NAT10: variants seen among roughly 807,000 people sequenced by gnomAD.
NAT10 encodes N-acetyltransferase 10.
Under a neutral mutation model 132.2 loss-of-function variants are expected in NAT10, and 109 were observed. The observed-to-expected ratio is 0.82, with a 90% CI of 0.71 to 0.97. The LOEUF is 0.97. Ranked by LOEUF, NAT10 falls within the 50% of genes least tolerant of loss-of-function variation. The pLI is 0.00. For synonymous variants in NAT10, 479 were observed against 478.0 expected (o/e 1.00, Z -0.03); for missense variants, 1,184 against 1,263.4 (o/e 0.94, Z 0.95).
At chr11:34,123,722 C>T in intron 9 of NAT10, 40 bp from the exon 10 acceptor site, 2 of 1,396,218 alleles carry the variant, frequency 1.4e-6, no homozygotes, top group Non-Finnish European at 2.0e-6. Flanking sequence ...TTAAGATGTT[C>T]CTAATTTCTT....
rs200880136 is a variant in NAT10 at position 34,142,340 on chromosome 11, C to A, written c.2877C>A (p.Asp959Glu). Residue 959 changes from aspartate to glutamate, a missense_variant, in exon 27 of 29, where the codon GAC becomes GAA. Asp to Glu is a conservative substitution (Grantham distance 45, BLOSUM62 2). Transcript: ENST00000257829. Reference protein sequence around the residue: ...KKEVGKLKSMDLSEYIIRGDD... With the variant: ...KKEVGKLKSMELSEYIIRGDD... Reference sequence around the variant, plus strand: ...AAGTAGGGAAGCTGAAGAGCATGGACCTCTCTGAGTAAGGCTTGTGGGAAG... The same window carrying A: ...AAGTAGGGAAGCTGAAGAGCATGGAACTCTCTGAGTAAGGCTTGTGGGAAG... The A allele has an allele frequency of 3.7e-6, 6 of 1,614,034 alleles. No individual in the cohort carries two copies. In the African/African-American group the frequency reaches 5.3e-5, roughly 14 times the overall value.
At chr11:34,120,005 T>A (rs1411337856) in intron 8 of NAT10, among the ~76,000 whole-genome samples, 1 of 152,230 alleles carries the variant, frequency 6.6e-6, no homozygotes, top group Non-Finnish European at 1.5e-5. Flanking sequence ...CTAGTAAACT[T>A]GTAAGTCTTT....
chr11:34,139,442 C>T lies in NAT10; in HGVS notation c.2366C>T (p.Ser789Phe), dbSNP rs773223753. The change falls in exon 23 of 29, where the codon TCC becomes TTC. Residue 789 changes from serine to phenylalanine, a missense_variant. Ser to Phe is a radical substitution (Grantham distance 155, BLOSUM62 -2). Transcript: ENST00000257829. The part of the protein sequence containing the change: ...LSYQFSTFSP[S>F]LALNIIQNRN... ...TACCAGTTCAGTACCTTCTCTCCTT[C>T]CCTGGCTCTGAACATCATTCAGAAC... is the stretch of plus-strand genomic sequence containing the variant. The T allele has an allele frequency of 4.2e-5, 67 of 1,614,168 alleles. No homozygotes were observed. Among genetic ancestry groups the T allele is most frequent in the Admixed American group, 1.8e-4 (11 of 60,026 alleles).
rs766590741 is a variant in NAT10, at chr11:34,139,176, C to G, written c.2212-15C>G. The G allele has an allele frequency of 6.2e-7, 1 of 1,611,426 alleles. No individual in the cohort carries two copies. The highest frequency in any genetic ancestry group is 1.7e-5 in the Admixed American group (1 of 59,992). On this transcript the variant is annotated splice_polypyrimidine_tract_variant and intron_variant, in intron 21 of 28. Coordinates refer to ENST00000257829, the MANE Select transcript of NAT10 (RefSeq NM_024662.3). ...AGGGGGTTCTTGGTGCCAGTTAAAC[C>G]TCTGTGTTGCCCAGAATGACCTGAC...
rs1852091072 is a variant in NAT10 at position 34,130,858 on chromosome 11, G to C, written c.1290G>C (p.Gln430His). 5 of 1,614,062 alleles carry C rather than the reference G, an allele frequency of 3.1e-6. No homozygotes were observed. The African/African-American group carries it at 6.7e-5, about 22-fold the overall frequency. Residue 430 changes from glutamine (Q) to histidine (H), a missense_variant, in exon 13 of 29, where the codon CAG (glutamine) becomes CAC (histidine). Transcript: ENST00000257829. ...GRSLSLKLIQ[Q>H]LRQQSAQSQV... is the part of the protein sequence containing the mutation. ...CACTGTCCCTCAAGCTAATTCAGCA[G>C]CTCCGTCAACAGAGCGCCCAGAGCC...
chr11:34,112,421 A>G (rs1015011244), intron 4 of NAT10, among the ~76,000 whole-genome samples, 198 bp downstream of exon 4: 5 of 152,246 alleles, frequency 3.3e-5, no homozygotes, highest in Admixed American at 1.3e-4. Flanking sequence ...GAGAATTTTA[A>G]ATCAGCACTT....
chr11:34,140,792 C>G (rs1852313257), intron 24 of NAT10, among the ~76,000 whole-genome samples: 1 of 152,108 alleles, frequency 6.6e-6, no homozygotes, highest in Non-Finnish European at 1.5e-5. Flanking sequence ...AGCTTCCACC[C>G]CACTACGTTG....
At chr11:34,112,561 C>CTT (rs1347758566) in intron 4 of NAT10, among the ~76,000 whole-genome samples, 2 of 152,150 alleles carry the variant, frequency 1.3e-5, no homozygotes, top group East Asian at 3.9e-4. Flanking sequence ...TCACCAAAGA[C>CTT]TTTTTTTGTC....
At chr11:34,121,379 A>G (rs1332863865) in intron 8 of NAT10, among the ~76,000 whole-genome samples, 1 of 152,102 alleles carries the variant, frequency 6.6e-6, no homozygotes, top group Non-Finnish European at 1.5e-5. Flanking sequence ...TTTTGGAGGT[A>G]ACAGGATTCG....
At chr11:34,114,833 G>C (rs1851757222) in intron 5 of NAT10, among the ~76,000 whole-genome samples, 1 of 152,068 alleles carries the variant, frequency 6.6e-6, no homozygotes, top group Non-Finnish European at 1.5e-5. Flanking sequence ...ATTATTATTT[G>C]TCTGTCCTCC....
At chr11:34,124,662 G>A (rs919244682) in intron 11 of NAT10, among the ~76,000 whole-genome samples, 1 of 152,324 alleles carries the variant, frequency 6.6e-6, no homozygotes, top group Non-Finnish European at 1.5e-5. Context: ...TGGAAAGTAC[G>A]CTGATTAACT....
At position 34,141,156 on chromosome 11, in the gene NAT10, C is replaced by T. The variant is rs780534469; in HGVS notation, c.2660C>T (p.Pro887Leu). Residue 887 changes from proline to leucine, a missense_variant, in exon 25 of 29, where the codon CCC becomes CTC. Physicochemically the swap from Pro to Leu is moderately conservative, Grantham distance 98. Transcript: ENST00000257829. ...VDQLEKEIELPSGQLMGLFNR... is the reference protein window; with the variant it reads ...VDQLEKEIELLSGQLMGLFNR... ...CAGCTGGAAAAGGAGATTGAGCTGCCCTCGGGCCAGTTGATGGGACTTTTC... is the reference window on the plus strand; with the variant it reads ...CAGCTGGAAAAGGAGATTGAGCTGCTCTCGGGCCAGTTGATGGGACTTTTC... The T allele has an allele frequency of 3.1e-6, 5 of 1,613,780 alleles. No homozygotes were observed. The highest frequency in any genetic ancestry group is 4.2e-6 in the Non-Finnish European group (5 of 1,179,992).
At chr11:34,118,355 T>C in intron 7 of NAT10, 41 bp from the exon 8 acceptor site, 3 of 1,611,006 alleles carry the variant, frequency 1.9e-6, no homozygotes, top group South Asian at 2.2e-5. Flanking sequence ...TTGTTCCTCC[T>C]GTGACAGTGA....
chr11:34,112,149 A>G lies in NAT10; in HGVS notation c.298A>G (p.Thr100Ala), dbSNP rs369518980. The change falls in exon 4 of 29, where the codon ACA (threonine) becomes GCA (alanine). Residue 100 changes from threonine (T) to alanine (A), a missense_variant. Physicochemically the swap from Thr to Ala is moderately conservative, Grantham distance 58. Coordinates refer to ENST00000257829, the MANE Select transcript of NAT10 (RefSeq NM_024662.3). ...DDPFELFIAA[T>A]NIRYCYYNET... ...CCCCTTTGAACTCTTCATAGCAGCC[A>G]CAAACATTCGCTACTGCTACTACAA... 45 of 1,614,146 alleles carry G rather than the reference A, an allele frequency of 2.8e-5. No individual in the cohort carries two copies. Among genetic ancestry groups the G allele is most frequent in the Non-Finnish European group, 3.5e-5 (41 of 1,180,058 alleles).
rs375005009 is a variant in NAT10, at chr11:34,141,194, C to G, written c.2698C>G (p.Arg900Gly). ...QLMGLFNRII[R>G]KVVKLFNEVQ... The stretch of plus-strand genomic sequence containing the variant: ...GATGGGACTTTTCAACCGGATCATC[C>G]GCAAAGTTGTGAAGGTAACCTCAGC... The change falls in exon 25 of 29, where the codon CGC becomes GGC. Residue 900 changes from arginine to glycine, a missense_variant. Physicochemically the swap from Arg to Gly is moderately radical, Grantham distance 125. Coordinates refer to ENST00000257829, the MANE Select transcript of NAT10 (RefSeq NM_024662.3). 19 of 1,613,938 alleles carry G rather than the reference C, an allele frequency of 1.2e-5. No individual in the cohort carries two copies. The highest frequency in any genetic ancestry group is 1.6e-5 in the Non-Finnish European group (19 of 1,179,986).
Position 34,130,887 on chromosome 11 carries a change from T to G in NAT10, c.1319T>G (p.Val440Gly). The change falls in exon 13 of 29, where the codon GTC (valine) becomes GGC (glycine). Residue 440 changes from valine to glycine, a missense_variant. Coordinates refer to ENST00000257829, the MANE Select transcript of NAT10 (RefSeq NM_024662.3). ...QLRQQSAQSQVSTTAENKTTT... is the reference protein window; with the variant it reads ...QLRQQSAQSQGSTTAENKTTT... ...CGTCAACAGAGCGCCCAGAGCCAGGTCAGCACCACTGCTGAGAATAAGACC... is the reference window on the plus strand; with the variant it reads ...CGTCAACAGAGCGCCCAGAGCCAGGGCAGCACCACTGCTGAGAATAAGACC... 6.2e-7 allele frequency: 1 copy of G among 1,614,122 alleles called. No individual in the cohort carries two copies. Among genetic ancestry groups the G allele is most frequent in the Non-Finnish European group, 8.5e-7 (1 of 1,180,008 alleles).
At chr11:34,119,690 T>C (rs1455622311) in intron 8 of NAT10, among the ~76,000 whole-genome samples, 1 of 152,242 alleles carries the variant, frequency 6.6e-6, no homozygotes, top group Admixed American at 6.5e-5. Flanking sequence ...ATTAACAGTT[T>C]ATTATGTATC....
At chr11:34,110,437 C>T (rs1285981717) in intron 3 of NAT10, among the ~76,000 whole-genome samples, 1 of 151,854 alleles carries the variant, frequency 6.6e-6, no homozygotes. Flanking sequence ...CCAGTCATAC[C>T]TGGTGGTTCC....
intron 12 of NAT10, among the ~76,000 whole-genome samples, chr11:34,130,431 G>C (rs1374195451): frequency 6.6e-6 from 1 of 152,158 alleles, no homozygotes; most frequent in African/African-American, 2.4e-5. Context: ...CACTAAAACT[G>C]CCTAAAGCCT....
Sources: gnomAD v4.1 joint callset for allele counts (sites outside exome capture counted in the v4.1 genomes callset) on GRCh38, gnomAD v4.1.1 for gene constraint, MANE v1.5 for transcripts, NCBI Gene and HGNC (gene_info 2026-07-23, HGNC 2026-07-21) for gene names.